PCDHGB1: variants seen among roughly 807,000 people sequenced by gnomAD.
The protein encoded by PCDHGB1 is protocadherin gamma subfamily B, 1.
In PCDHGB1, 34 loss-of-function variants were observed where a neutral mutation model predicts 56.6. The observed-to-expected ratio is 0.60, with a 90% CI of 0.46 to 0.80. The LOEUF (loss-of-function observed/expected upper bound fraction) is 0.80, where lower values mean the gene tolerates loss of function less well. Ranked by LOEUF, PCDHGB1 falls within the 30% of genes least tolerant of loss-of-function variation. PCDHGB1 has a pLI of 0.00. For missense variants in PCDHGB1, 1,278 were observed against 1,204.6 expected (o/e 1.06, Z -0.90); for synonymous variants, 561 against 505.9 (o/e 1.11, Z -1.46).
intron 1 of PCDHGB1, among the ~76,000 whole-genome samples, chr5:141,472,980 C>CAAA (rs60579131): frequency 5.8e-5 from 5 of 86,104 alleles, no homozygotes; most frequent in Non-Finnish European, 1.0e-4. Context: ...GAGTGAAACT[C>CAAA]AAAAAAAAAA....
At chr5:141,488,069 C>T (rs1197698273) in intron 1 of PCDHGB1, among the ~76,000 whole-genome samples, 1 of 152,072 alleles carries the variant, frequency 6.6e-6, no homozygotes, top group Non-Finnish European at 1.5e-5. Context: ...ATCTTTGTCT[C>T]CCAGTATCTA....
At chr5:141,437,338 C>T (rs1328789308) in intron 1 of PCDHGB1, among the ~76,000 whole-genome samples, 1 of 152,196 alleles carries the variant, frequency 6.6e-6, no homozygotes, top group Non-Finnish European at 1.5e-5. Flanking sequence ...TGTAGCTTCA[C>T]TGTTTTATAG....
At chr5:141,359,130 A>G (rs1042094168) in intron 1 of PCDHGB1, among the ~76,000 whole-genome samples, 2 of 152,228 alleles carry the variant, frequency 1.3e-5, no homozygotes, top group South Asian at 4.1e-4. Context: ...TGCAATACAT[A>G]GAGTAAGCTG....
At chr5:141,495,257 A>T (rs1411983517) in intron 2 of PCDHGB1, among the ~76,000 whole-genome samples, 1 of 152,200 alleles carries the variant, frequency 6.6e-6, no homozygotes, top group Non-Finnish European at 1.5e-5. Context: ...CTCAGGCAGA[A>T]AAGCATTTGA....
chr5:141,423,628 A>G (rs1272272666), intron 1 of PCDHGB1: 2 of 1,604,848 alleles, frequency 1.2e-6, no homozygotes, highest in African/African-American at 1.3e-5. Context: ...CTCAGCTATC[A>G]TTTTAGGCAA....
At chr5:141,394,852 C>T in intron 1 of PCDHGB1, 1 of 1,613,838 alleles carries the variant, frequency 6.2e-7, no homozygotes, top group Non-Finnish European at 8.5e-7. Flanking sequence ...AGTCTGAAGC[C>T]TTCGGTCGAC....
intron 1 of PCDHGB1, chr5:141,415,949 C>T (rs369226000): frequency 6.5e-4 from 320 of 496,036 alleles, no homozygotes; most frequent in African/African-American, 5.9e-3. Context: ...TGGGTGGTCA[C>T]ATATTGAAAC....
At position 141,494,704 on chromosome 5, in the gene PCDHGB1, T is replaced by C. The variant is rs2099756232; in HGVS notation, c.2410-103T>C. Reference sequence around the variant, plus strand: ...CCCCCTCTTAGTCCGTTTTCTTCTCTGTGCCCACTCCCCTCCTTCTCTCCC... The same window carrying C: ...CCCCCTCTTAGTCCGTTTTCTTCTCCGTGCCCACTCCCCTCCTTCTCTCCC... On this transcript the variant is annotated intron_variant, in intron 1 of 3. Transcript: ENST00000523390. The C allele has an allele frequency of 3.1e-6, 5 of 1,597,570 alleles. No individual in the cohort carries two copies. The Admixed American group carries it at 8.5e-5, about 27-fold the overall frequency.
chr5:141,468,274 G>A (rs1461428449), intron 1 of PCDHGB1, among the ~76,000 whole-genome samples: 1 of 144,906 alleles, frequency 6.9e-6, no homozygotes, highest in Non-Finnish European at 1.5e-5. Flanking sequence ...GTGGTGAGCC[G>A]AGACCACGCC....
At chr5:141,352,905 T>C (rs1759140498) in intron 1 of PCDHGB1, among the ~76,000 whole-genome samples, 1 of 152,122 alleles carries the variant, frequency 6.6e-6, no homozygotes, top group Non-Finnish European at 1.5e-5. Flanking sequence ...GGAGGATCGC[T>C]TGAGCCCGGG....
intron 1 of PCDHGB1, chr5:141,361,049 A>G (rs1276582922): frequency 1.2e-6 from 2 of 1,613,746 alleles, no homozygotes; most frequent in South Asian, 1.1e-5. Flanking sequence ...ACGACAAAGG[A>G]TGATTTGGAT....
rs760709557 is a variant in PCDHGB1, at chr5:141,384,156, C to T, written c.2409+31487C>T. The T allele has an allele frequency of 1.6e-5, 26 of 1,613,342 alleles. No homozygotes were observed. The Admixed American group carries it at 4.2e-4, about 26-fold the overall frequency. ...ACCGGGAAACACTCTCTTTGTATAA[C>T]ATCACACTGAAAGCCACAGATGGTG... On this transcript the variant is annotated intron_variant, in intron 1 of 3. Transcript: ENST00000523390.
In PCDHGB1 at chr5:141,350,451, T is replaced by C. The variant is rs1238028733; in HGVS notation, c.191T>C (p.Leu64Pro). The C allele has an allele frequency of 2.7e-5, 43 of 1,611,790 alleles. No homozygotes were observed. The highest frequency in any genetic ancestry group is 3.6e-5 in the Non-Finnish European group (42 of 1,178,086). Residue 64 changes from leucine to proline, a missense_variant, in exon 1 of 4, where the codon CTG (leucine) becomes CCG (proline). By Grantham distance (98) the Leu-to-Pro change is moderately conservative. Transcript: ENST00000523390. Reference sequence around the variant, plus strand: ...GTCCGGGAGTTGCCAACTCGAAAACTGCGGGTTAGTGCAGAGGATTATTTC... The same window carrying C: ...GTCCGGGAGTTGCCAACTCGAAAACCGCGGGTTAGTGCAGAGGATTATTTC... ...LSVRELPTRK[L>P]RVSAEDYFNV... is the part of the protein sequence containing the mutation.
chr5:141,366,798 T>C, intron 1 of PCDHGB1: 1 of 1,567,294 alleles, frequency 6.4e-7, no homozygotes, highest in Non-Finnish European at 8.7e-7. Context: ...TTTCATTTGT[T>C]TCCTTTTTCA....
chr5:141,414,517 G>C, intron 1 of PCDHGB1: 1 of 1,613,964 alleles, frequency 6.2e-7, no homozygotes, highest in South Asian at 1.1e-5. Context: ...ACAAGTGGCA[G>C]ATATCAATGA....
intron 1 of PCDHGB1, chr5:141,405,044 G>A (rs769617162): frequency 6.2e-7 from 1 of 1,613,938 alleles, no homozygotes; most frequent in Admixed American, 1.7e-5. Context: ...TGTGGCTGTG[G>A]CAGTCGTCTC....
At chr5:141,445,855 T>C (rs1432695384) in intron 1 of PCDHGB1, among the ~76,000 whole-genome samples, 1 of 152,222 alleles carries the variant, frequency 6.6e-6, no homozygotes, top group Non-Finnish European at 1.5e-5. Flanking sequence ...CTTAAAATTC[T>C]GGATTTTGTT....
chr5:141,428,063 C>T lies in PCDHGB1; in HGVS notation c.2410-66744C>T, dbSNP rs777477669. 12 of 1,609,054 alleles carry T rather than the reference C, an allele frequency of 7.5e-6. No individual in the cohort carries two copies. In the African/African-American group the frequency reaches 1.3e-4, roughly 18 times the overall value. ...TGGTGACCAAGGTGGTGGCGGTGGA[C>T]GCAGATTCGGGACACAACGCTTGGC... On this transcript the variant is annotated intron_variant, in intron 1 of 3. Coordinates refer to ENST00000523390, the MANE Select transcript of PCDHGB1 (RefSeq NM_018922.3).
chr5:141,393,656 C>T (rs762750239), intron 1 of PCDHGB1: 2 of 1,613,868 alleles, frequency 1.2e-6, no homozygotes, highest in East Asian at 4.5e-5. Context: ...CATACAAATT[C>T]CGGAAAATTA....
Sources: allele counts gnomAD v4.1 joint callset (sites outside exome capture counted in the v4.1 genomes callset), GRCh38; gene constraint gnomAD v4.1.1; transcripts MANE v1.5; gene names NCBI Gene and HGNC (gene_info 2026-07-23, HGNC 2026-07-21).